P4HA3: variants seen among roughly 807,000 people sequenced by gnomAD.
The protein encoded by P4HA3 is prolyl 4-hydroxylase subunit alpha 3.
A neutral mutation model predicts 66.7 loss-of-function variants in P4HA3; 60 were observed. The observed-to-expected ratio is 0.90, with a 90% CI of 0.73 to 1.12. The LOEUF (loss-of-function observed/expected upper bound fraction) is 1.12, where lower values mean the gene tolerates loss of function less well. P4HA3 is among the 50% of genes most tolerant of loss of function. P4HA3 has a pLI of 0.00. For synonymous variants in P4HA3, 263 were observed against 274.6 expected (o/e 0.96, Z 0.42); for missense variants, 683 against 685.8 (o/e 1.00, Z 0.05).
At position 74,289,135 on chromosome 11, in the gene P4HA3, T is replaced by TA. The variant is rs35776286; in HGVS notation, c.718-6dup. On this transcript the variant is annotated splice_polypyrimidine_tract_variant and splice_region_variant and intron_variant, in intron 4 of 12. Coordinates refer to ENST00000331597, the MANE Select transcript of P4HA3 (RefSeq NM_182904.5). ...GGCACACGAAACATTTCCTGCCTGTTAAAAAAAAAAAAAAGAAAAGAAAGC... is the reference window on the plus strand; with the variant it reads ...GGCACACGAAACATTTCCTGCCTGTTAAAAAAAAAAAAAAAGAAAAGAAAGC... The TA allele has an allele frequency of 0.06, 76,741 of 1,285,406 alleles. 31 individuals are homozygous for TA. The highest frequency in any genetic ancestry group is 0.07 in the African/African-American group (4,186 of 59,606). The allele number at this position is 1,285,406 out of a possible 1,614,324, so 79.6% of individuals were successfully genotyped here.
chr11:74,251,367 G>C, intron 15 of P4HA3: 2 of 1,356,394 alleles, frequency 1.5e-6, no homozygotes, highest in East Asian at 5.5e-5. Context: ...ATTAATATGG[G>C]CTCCTCCTGT....
chr11:74,255,957 C>T (rs1859821624), intron 15 of P4HA3: 1 of 516,426 alleles, frequency 1.9e-6, no homozygotes. Flanking sequence ...TATGTGCCCT[C>T]TTGTCCACAA....
chr11:74,273,440 G>C (rs1268852678), intron 10 of P4HA3, 105 bp downstream of exon 10: 6 of 1,025,974 alleles, frequency 5.8e-6, no homozygotes, highest in Non-Finnish European at 3.9e-6. Context: ...GGAGATTTTT[G>C]CGCTGAGTAC....
At chr11:74,310,916 T>C (rs1282504455) in intron 1 of P4HA3, among the ~76,000 whole-genome samples, 2 of 152,160 alleles carry the variant, frequency 1.3e-5, no homozygotes, top group Admixed American at 1.3e-4. Flanking sequence ...CTTGCGTAGC[T>C]AAAGCGTCAC....
At chr11:74,252,217 G>A (rs959284991) in intron 15 of P4HA3, among the ~76,000 whole-genome samples, 1 of 146,588 alleles carries the variant, frequency 6.8e-6, no homozygotes, top group Non-Finnish European at 1.5e-5. Context: ...ACAGGCGTAC[G>A]CCACCGTACC....
At chr11:74,281,868 G>A (rs148460240) in intron 7 of P4HA3, among the ~76,000 whole-genome samples, 1 of 79,026 alleles carries the variant, frequency 1.3e-5, no homozygotes, top group African/African-American at 9.4e-5. Flanking sequence ...AAAACTTAAA[G>A]TATAATAATA....
At chr11:74,304,824 C>T (rs1050709303) in intron 1 of P4HA3, among the ~76,000 whole-genome samples, 4 of 152,068 alleles carry the variant, frequency 2.6e-5, no homozygotes, top group Non-Finnish European at 5.9e-5. Flanking sequence ...ATATAGTGGT[C>T]CCCAACCTTT....
chr11:74,291,297 T>C (rs1043414807), intron 4 of P4HA3, among the ~76,000 whole-genome samples: 2 of 152,242 alleles, frequency 1.3e-5, no homozygotes, highest in African/African-American at 4.8e-5. Flanking sequence ...ACTGATTTTG[T>C]ATCCTGAGAC....
At chr11:74,295,993 A>T (rs891149209) in intron 4 of P4HA3, among the ~76,000 whole-genome samples, 6 of 152,258 alleles carry the variant, frequency 3.9e-5, no homozygotes, top group Admixed American at 2.0e-4. Flanking sequence ...TTTTACAAAG[A>T]ACAAAGAGTT....
rs137981909 is a variant in P4HA3, at chr11:74,259,136, C to T, written c.*1318+787G>A. Among the ~76,000 whole-genome samples the T allele has an allele frequency of 3.3e-5, 5 of 152,296 alleles. No individual in the cohort carries two copies. In the East Asian group the frequency reaches 7.7e-4, roughly 24 times the overall value. ...ACTTTTGGCTGGGCACGGTGGCTCA[C>T]GCCTGTAATCCCAGCACTTTGGGAA... On this transcript the variant is annotated intron_variant and NMD_transcript_variant, in intron 15 of 15. Coordinates refer to the P4HA3 transcript ENST00000524388.
rs1861512732 is a variant in P4HA3 at position 74,304,371 on chromosome 11, G to A, written c.242C>T (p.Thr81Ile). ...KVLSLHEDST[T>I]PVANPLLAFT... ...TGCAAGCAGAGGGTTAGCCACAGGG[G>A]TTGTTGAATCCTCATGCAAAGAAAG... Residue 81 changes from threonine to isoleucine, a missense_variant, in exon 2 of 13, where the codon ACC becomes ATC. Thr to Ile is a moderately conservative substitution (Grantham distance 89). Transcript: ENST00000331597. 1 of 1,613,974 alleles carries A rather than the reference G, an allele frequency of 6.2e-7. No individual in the cohort carries two copies. Among genetic ancestry groups the A allele is most frequent in the African/African-American group, 1.3e-5 (1 of 74,898 alleles).
chr11:74,271,813 A>C (rs1240824648), intron 10 of P4HA3, among the ~76,000 whole-genome samples: 1 of 152,154 alleles, frequency 6.6e-6, no homozygotes, highest in East Asian at 1.9e-4. Flanking sequence ...GTTTGTCTTG[A>C]AATTGTCTCG....
chr11:74,263,223 GC>G (rs1859936922), downstream of P4HA3, among the ~76,000 whole-genome samples: 1 of 152,240 alleles, frequency 6.6e-6, no homozygotes, highest in Non-Finnish European at 1.5e-5. Flanking sequence ...TTCTCATGGA[GC>G]AGCTAGCATG....
chr11:74,295,445 T>G lies in P4HA3; in HGVS notation c.717+2767A>C, dbSNP rs185748784. ...CCAAATGATGATTAACTGATAGAAA[T>G]GTATTTCATTCCAATCACTTTACTT... On this transcript the variant is annotated intron_variant, in intron 4 of 12. Transcript: ENST00000331597. Among the ~76,000 whole-genome samples the G allele has an allele frequency of 1.4e-3, 207 of 152,330 alleles. 2 individuals carry two copies. The highest frequency in any genetic ancestry group is 4.9e-3 in the African/African-American group (205 of 41,574).
intron 8 of P4HA3, among the ~76,000 whole-genome samples, chr11:74,277,471 C>CT (rs1860441450): frequency 6.6e-6 from 1 of 152,266 alleles, no homozygotes; most frequent in East Asian, 1.9e-4. Context: ...GTGGGAAAAG[C>CT]TTGTGATTTA....
chr11:74,278,837 C>G (rs1285689471), intron 8 of P4HA3, among the ~76,000 whole-genome samples: 4 of 152,018 alleles, frequency 2.6e-5, no homozygotes, highest in Non-Finnish European at 5.9e-5. Context: ...GGCCTCCCCC[C>G]AAGGATGCTG....
chr11:74,291,042 G>A (rs1364049309), intron 4 of P4HA3, among the ~76,000 whole-genome samples: 2 of 152,106 alleles, frequency 1.3e-5, no homozygotes, highest in East Asian at 3.9e-4. Context: ...GGGCAGTATG[G>A]CCATTTTCAC....
rs1591094152 is a variant in P4HA3, at chr11:74,273,615, A to G, written c.1336-8T>C. 4 of 1,557,470 alleles carry G rather than the reference A, an allele frequency of 2.6e-6. No homozygotes were observed. The East Asian group carries it at 9.3e-5, about 36-fold the overall frequency. ...GAGGGGGCTGCTTGGTGACTGAGAA[A>G]AAAAAAAACAGAACATATTATTTTA... On this transcript the variant is annotated splice_region_variant and splice_polypyrimidine_tract_variant and intron_variant, in intron 9 of 12. Transcript: ENST00000331597.
intron 15 of P4HA3, among the ~76,000 whole-genome samples, chr11:74,259,622 A>G (rs1174686064): frequency 6.6e-6 from 1 of 152,114 alleles, no homozygotes; most frequent in Non-Finnish European, 1.5e-5. Context: ...CCCAAGCTCT[A>G]TTCTGCTTTT....
Sources: allele counts gnomAD v4.1 joint callset (sites outside exome capture counted in the v4.1 genomes callset), GRCh38; gene constraint gnomAD v4.1.1; transcripts MANE v1.5; gene names NCBI Gene and HGNC (gene_info 2026-07-23, HGNC 2026-07-21).